NTRK3: variants seen among roughly 807,000 people sequenced by gnomAD.
NTRK3 encodes the protein NT-3 growth factor receptor.
NTRK3 carries 24 observed loss-of-function variants against 91.7 expected under a neutral mutation model. The observed-to-expected ratio is 0.26, with a 90% confidence interval of 0.19 to 0.37. NTRK3 has a LOEUF of 0.37. NTRK3 is among the 10% of genes least tolerant of loss of function. The pLI, the probability that NTRK3 is intolerant of heterozygous loss-of-function variation, is 1.00. For synonymous variants in NTRK3, 483 were observed against 404.0 expected (o/e 1.20, Z -2.34); for missense variants, 880 against 1,068.9 (o/e 0.82, Z 2.46).
chr15:88,110,056 G>A (rs2051159846), intron 13 of NTRK3, among the ~76,000 whole-genome samples: 1 of 152,076 alleles, frequency 6.6e-6, no homozygotes, highest in South Asian at 2.1e-4. Flanking sequence ...TGGTCCATAA[G>A]TCACCTGAAG....
chr15:87,881,291 GAAAC>G (rs2065229669), intron 17 of NTRK3, among the ~76,000 whole-genome samples: 1 of 152,150 alleles, frequency 6.6e-6, no homozygotes, highest in Non-Finnish European at 1.5e-5. Flanking sequence ...TTCAGGAACT[GAAAC>G]TTTTGCCTAA....
At chr15:88,217,017 G>A (rs2049837159) in intron 3 of NTRK3, among the ~76,000 whole-genome samples, 1 of 152,142 alleles carries the variant, frequency 6.6e-6, no homozygotes, top group Admixed American at 6.5e-5. Context: ...AGCACATGAA[G>A]ACATACTTGA....
intron 17 of NTRK3, among the ~76,000 whole-genome samples, chr15:87,890,611 G>A (rs1380357441): frequency 6.9e-6 from 1 of 143,894 alleles, no homozygotes; most frequent in Non-Finnish European, 1.5e-5. Flanking sequence ...ACACACACTT[G>A]AAGTGTTTCA....
At chr15:88,117,667 A>C (rs1485411427) in intron 13 of NTRK3, among the ~76,000 whole-genome samples, 1 of 152,198 alleles carries the variant, frequency 6.6e-6, no homozygotes, top group Non-Finnish European at 1.5e-5. Context: ...GGGCCACACA[A>C]ATTAGGTAGC....
At chr15:88,082,723 T>C (rs941027299) in intron 13 of NTRK3, among the ~76,000 whole-genome samples, 2 of 152,216 alleles carry the variant, frequency 1.3e-5, no homozygotes, top group Non-Finnish European at 2.9e-5. Context: ...TCTAGAATAC[T>C]AATAGGCTTG....
exon 19 of NTRK3, chr15:87,876,877 G>T: frequency 1.3e-6 from 2 of 1,577,334 alleles, no homozygotes; most frequent in Non-Finnish European, 1.7e-6. Context: ...GTGGAAGGGA[G>T]ATGTGAGGCA....
At chr15:88,221,243 C>G (rs961194537) in intron 3 of NTRK3, among the ~76,000 whole-genome samples, 3 of 152,144 alleles carry the variant, frequency 2.0e-5, no homozygotes, top group African/African-American at 7.2e-5. Flanking sequence ...CCATCTTCAG[C>G]CTGAAAGCAT....
At chr15:88,118,968 T>C (rs1302597616) in intron 13 of NTRK3, among the ~76,000 whole-genome samples, 1 of 152,132 alleles carries the variant, frequency 6.6e-6, no homozygotes, top group Non-Finnish European at 1.5e-5. Flanking sequence ...CTGAACAGGA[T>C]AGAGAGGCCT....
At chr15:87,997,634 A>G (rs889762625) in intron 14 of NTRK3, among the ~76,000 whole-genome samples, 1 of 152,240 alleles carries the variant, frequency 6.6e-6, no homozygotes, top group African/African-American at 2.4e-5. Flanking sequence ...CAAGTGTCAA[A>G]TGTGATCAAG....
Position 88,183,483 on chromosome 15 carries a change from GA to G in NTRK3, c.329del (p.Ile110ThrfsTer23), listed in dbSNP as rs1464819370. 1 of 1,614,114 alleles carries G rather than the reference GA, an allele frequency of 6.2e-7. No homozygotes were observed. Among genetic ancestry groups the G allele is most frequent in the Non-Finnish European group, 8.5e-7 (1 of 1,179,964 alleles). On this transcript the variant is annotated frameshift_variant, in exon 5 of 19. Transcript: ENST00000394480. LOFTEE classifies it high-confidence loss of function. ...GAATGCTCCGAAGTCCTGAGTTCTT[GA>G]TGGTCCTAGACAGAGAGAAAAAGAG...
At chr15:88,163,360 G>C (rs947370020) in intron 5 of NTRK3, among the ~76,000 whole-genome samples, 6 of 152,178 alleles carry the variant, frequency 3.9e-5, no homozygotes, top group African/African-American at 1.4e-4. Flanking sequence ...AGAATGCCTG[G>C]CAAATTCTTA....
chr15:87,895,175 A>G (rs1311978987), intron 17 of NTRK3, among the ~76,000 whole-genome samples: 3 of 152,234 alleles, frequency 2.0e-5, no homozygotes, highest in Non-Finnish European at 4.4e-5. Flanking sequence ...CTTGGCCAGA[A>G]AAGCAATGAC....
At chr15:88,106,791 G>C (rs1234617123) in intron 13 of NTRK3, among the ~76,000 whole-genome samples, 1 of 151,950 alleles carries the variant, frequency 6.6e-6, no homozygotes, top group African/African-American at 2.4e-5. Context: ...CAATTAGCTG[G>C]GCATGGTGGT....
chr15:88,251,938 C>A (rs2053427000), intron 3 of NTRK3, among the ~76,000 whole-genome samples: 1 of 152,156 alleles, frequency 6.6e-6, no homozygotes, highest in African/African-American at 2.4e-5. Flanking sequence ...AGGTGCAGAG[C>A]AGATGCCCTT....
intron 13 of NTRK3, among the ~76,000 whole-genome samples, chr15:88,106,684 C>T (rs1180682235): frequency 6.6e-6 from 1 of 151,574 alleles, no homozygotes; most frequent in East Asian, 1.9e-4. Flanking sequence ...GTAATCCCAG[C>T]ACTTTGGGAG....
At chr15:88,202,827 A>G (rs1041612935) in intron 3 of NTRK3, among the ~76,000 whole-genome samples, 4 of 152,232 alleles carry the variant, frequency 2.6e-5, no homozygotes, top group African/African-American at 4.8e-5. Context: ...ACAAGACCAA[A>G]GACCAGAAGA....
At chr15:87,872,523 T>C (rs2064848618) in exon 19 of NTRK3, 1 of 228,612 alleles carries the variant, frequency 4.4e-6, no homozygotes, top group Admixed American at 5.7e-5. Context: ...TCTCTCCATA[T>C]CTTGGAATAG....
rs535000185 is a variant in NTRK3 at position 88,205,245 on chromosome 15, T to C, written c.249-20946A>G. On this transcript the variant is annotated intron_variant, in intron 3 of 18. Transcript: ENST00000394480. The stretch of plus-strand genomic sequence containing the variant: ...GAGCCTTGATGCCTTAGTGTCCGTG[T>C]GGGGTGAGAAACACAAGGGATGACA... 1.7e-4 allele frequency among the ~76,000 whole-genome samples: 26 copies of C among 152,270 alleles called. 1 individual carries two copies. In the South Asian group the frequency reaches 5.4e-3, roughly 32 times the overall value.
chr15:88,101,991 T>C (rs1198016559), intron 13 of NTRK3, among the ~76,000 whole-genome samples: 3 of 151,940 alleles, frequency 2.0e-5, no homozygotes, highest in African/African-American at 7.3e-5. Context: ...GTTGTACACA[T>C]GTACCCTAAA....
Sources: gnomAD v4.1 joint callset for allele counts (sites outside exome capture counted in the v4.1 genomes callset) on GRCh38, gnomAD v4.1.1 for gene constraint, MANE v1.5 for transcripts, NCBI Gene and HGNC (gene_info 2026-07-23, HGNC 2026-07-21) for gene names.